TNKS: variants seen among roughly 807,000 people sequenced by gnomAD.
The protein encoded by TNKS is poly [ADP-ribose] polymerase tankyrase-1.
TNKS carries 72 observed loss-of-function variants against 135.8 expected under a neutral mutation model. The observed-to-expected ratio is 0.53, with a 90% CI of 0.44 to 0.64. The LOEUF is 0.64. Ranked by LOEUF, TNKS falls within the 30% of genes least tolerant of loss-of-function variation. The pLI is 0.00. For missense variants in TNKS, 1,769 were observed against 1,674.0 expected (o/e 1.06, Z -0.99); for synonymous variants, 849 against 649.3 (o/e 1.31, Z -4.68).
intron 3 of TNKS, among the ~76,000 whole-genome samples, chr8:9,638,087 G>T (rs1346374088): frequency 6.6e-6 from 1 of 152,118 alleles, no homozygotes; most frequent in Non-Finnish European, 1.5e-5. Flanking sequence ...TCCCACCTCA[G>T]CCTCCCAAAC....
chr8:9,762,378 G>A (rs1807189091), intron 21 of TNKS, among the ~76,000 whole-genome samples: 1 of 152,164 alleles, frequency 6.6e-6, no homozygotes, highest in South Asian at 2.1e-4. Flanking sequence ...GTTCATCCAT[G>A]AAACTAACAA....
At chr8:9,565,480 A>G (rs1322631565) in intron 1 of TNKS, among the ~76,000 whole-genome samples, 2 of 152,212 alleles carry the variant, frequency 1.3e-5, no homozygotes, top group Non-Finnish European at 2.9e-5. Flanking sequence ...CATGAACTAC[A>G]AGTCCAAACT....
At chr8:9,626,071 T>G (rs1800043530) in intron 3 of TNKS, among the ~76,000 whole-genome samples, 3 of 152,210 alleles carry the variant, frequency 2.0e-5, no homozygotes, top group Non-Finnish European at 4.4e-5. Context: ...TTTCATATAT[T>G]TTGTAGCTTT....
At chr8:9,678,697 A>G (rs944830591) in intron 3 of TNKS, among the ~76,000 whole-genome samples, 6 of 152,192 alleles carry the variant, frequency 3.9e-5, no homozygotes, top group Non-Finnish European at 8.8e-5. Context: ...TAGCCTTGAG[A>G]TGTCTTTGTA....
chr8:9,692,702 T>G (rs1803335382), intron 5 of TNKS, among the ~76,000 whole-genome samples: 1 of 152,182 alleles, frequency 6.6e-6, no homozygotes, highest in South Asian at 2.1e-4. Flanking sequence ...GATAAAGAAG[T>G]GAATAAAACA....
chr8:9,596,712 A>C lies in TNKS; in HGVS notation c.898+16329A>C, dbSNP rs2128756865. ...AATAACTCTTTCAGACTTTTGTGTC[A>C]AGCCTGAAAATTTCTAAATTTACTG... On this transcript the variant is annotated intron_variant, in intron 2 of 26. Coordinates refer to ENST00000310430, the MANE Select transcript of TNKS (RefSeq NM_003747.3). 2.0e-5 allele frequency among the ~76,000 whole-genome samples: 3 copies of C among 152,344 alleles called. 1 individual carries two copies. In the Middle Eastern group the frequency reaches 0.01, roughly 518 times the overall value.
At chr8:9,574,470 C>G (rs1344404463) in intron 1 of TNKS, among the ~76,000 whole-genome samples, 2 of 152,176 alleles carry the variant, frequency 1.3e-5, no homozygotes, top group Non-Finnish European at 2.9e-5. Context: ...GCAGAATTTT[C>G]TTGACTAGTC....
chr8:9,653,594 G>A (rs1801227037), intron 3 of TNKS, among the ~76,000 whole-genome samples: 6 of 151,962 alleles, frequency 3.9e-5, no homozygotes, highest in Admixed American at 3.9e-4. Flanking sequence ...CACTCTCGTG[G>A]TAGCAAATTC....
At chr8:9,742,351 GATA>G (rs1316074900) in intron 17 of TNKS, among the ~76,000 whole-genome samples, 1 of 147,822 alleles carries the variant, frequency 6.8e-6, no homozygotes, top group East Asian at 2.0e-4. Context: ...ACATGAGTGT[GATA>G]ATACCTTTTT....
intron 14 of TNKS, among the ~76,000 whole-genome samples, chr8:9,731,795 G>A (rs1339698583): frequency 6.6e-6 from 1 of 152,010 alleles, no homozygotes; most frequent in Non-Finnish European, 1.5e-5. Flanking sequence ...ATTTTGTTTT[G>A]TTTTGTTTTT....
chr8:9,560,493 C>CTTTTTTTTTTTTTTTTTT lies in TNKS; in HGVS notation c.673+3894_673+3911dup, dbSNP rs535715245. Among the ~76,000 whole-genome samples, 17 of 42,310 alleles carry CTTTTTTTTTTTTTTTTTT rather than the reference C, an allele frequency of 4.0e-4. 2 individuals carry two copies. The highest frequency in any genetic ancestry group is 5.7e-4 in the Non-Finnish European group (14 of 24,400). 27.8% of individuals were successfully genotyped at this position (42,310 alleles called of 152,430 possible). On this transcript the variant is annotated intron_variant, in intron 1 of 26. Transcript: ENST00000310430. The stretch of plus-strand genomic sequence containing the variant: ...GATTTTTCAGCATGGCCATACTTGT[C>CTTTTTTTTTTTTTTTTTT]TTTTTTTTTTTTTTTTTTTTTTTTT...
rs544354389 is a variant in TNKS at position 9,778,495 on chromosome 8, A to C, written c.*1759A>C. On this transcript the variant is annotated 3_prime_UTR_variant, in exon 27 of 27. Coordinates refer to ENST00000310430, the MANE Select transcript of TNKS (RefSeq NM_003747.3). Reference sequence around the variant, plus strand: ...CCCAGTGCTGGAACTAGGCATCCAGACTAGTTTGAATGTTTGTAGCTGAAT... The same window carrying C: ...CCCAGTGCTGGAACTAGGCATCCAGCCTAGTTTGAATGTTTGTAGCTGAAT... The C allele has an allele frequency of 7.2e-5, 11 of 152,756 alleles. No individual in the cohort carries two copies. Among genetic ancestry groups the C allele is most frequent in the Admixed American group, 4.6e-4 (7 of 15,294 alleles). 9.5% of individuals were successfully genotyped at this position (152,756 alleles called of 1,614,324 possible).
At chr8:9,765,941 G>C in intron 24 of TNKS, 144 bp downstream of exon 24, 1 of 674,640 alleles carries the variant, frequency 1.5e-6, no homozygotes. Context: ...ATTACTTCTT[G>C]GTACCAGCTT....
intron 3 of TNKS, among the ~76,000 whole-genome samples, chr8:9,646,241 T>G (rs1046761132): frequency 2.6e-5 from 4 of 152,162 alleles, no homozygotes; most frequent in Admixed American, 2.6e-4. Context: ...CTTGTTTTTT[T>G]CAGATAGAAT....
At chr8:9,660,564 T>C (rs2128787197) in intron 3 of TNKS, among the ~76,000 whole-genome samples, 1 of 152,330 alleles carries the variant, frequency 6.6e-6, no homozygotes, top group Middle Eastern at 3.4e-3. Context: ...TCTCATTAAA[T>C]TAGGTATTGA....
chr8:9,636,693 T>C (rs1435421224), intron 3 of TNKS, among the ~76,000 whole-genome samples: 2 of 152,188 alleles, frequency 1.3e-5, no homozygotes, highest in Admixed American at 6.5e-5. Flanking sequence ...TCATTTTGTC[T>C]TGCCTTTTCC....
rs1387948563 is a variant in TNKS at position 9,780,454 on chromosome 8, G to C, written c.*3718G>C. ...GTCAGATACGTATTTAAAGAGTAAA[G>C]TCAAATTTGTTTAATGTCAGATCAG... is the stretch of plus-strand genomic sequence containing the variant. On this transcript the variant is annotated 3_prime_UTR_variant, in exon 27 of 27. Transcript: ENST00000310430. 1 of 152,162 alleles carries C rather than the reference G, an allele frequency of 6.6e-6. No homozygotes were observed. Among genetic ancestry groups the C allele is most frequent in the Admixed American group, 6.5e-5 (1 of 15,276 alleles). The allele number at this position is 152,162 out of a possible 1,614,324, so 9.4% of individuals were successfully genotyped here. A position where few individuals can be genotyped will look rare whatever the true frequency, so the allele number is the denominator to read the frequency against.
intron 3 of TNKS, chr8:9,670,766 A>C (rs76828037): frequency 6.6e-6 from 1 of 152,328 alleles, no homozygotes; most frequent in Non-Finnish European, 1.5e-5. Context: ...ATCAGACTTC[A>C]TGCATACAAA....
intron 1 of TNKS, among the ~76,000 whole-genome samples, chr8:9,561,262 A>G (rs949159186): frequency 3.9e-5 from 6 of 152,234 alleles, no homozygotes; most frequent in Non-Finnish European, 8.8e-5. Context: ...TGCAAATCTT[A>G]TGTGTACATT....
Sources: allele counts gnomAD v4.1 joint callset (sites outside exome capture counted in the v4.1 genomes callset), GRCh38; gene constraint gnomAD v4.1.1; transcripts MANE v1.5; gene names NCBI Gene and HGNC (gene_info 2026-07-23, HGNC 2026-07-21).